The following USP48 variants were observed in gnomAD, a reference collection of about 807,000 sequenced individuals.
USP48 encodes ubiquitin carboxyl-terminal hydrolase 48.
USP48 carries 43 observed loss-of-function variants against 150.7 expected under a neutral mutation model. The ratio of observed to expected loss-of-function variants is 0.29; its 90% CI spans 0.22 to 0.37. The LOEUF (loss-of-function observed/expected upper bound fraction) is 0.37, where lower values mean the gene tolerates loss of function less well. Ranked by LOEUF, USP48 falls within the 10% of genes least tolerant of loss-of-function variation. The probability of loss-of-function intolerance (pLI) is 1.00; values close to 1 mark genes in which losing one functional copy is unlikely to be tolerated. For synonymous variants in USP48, 396 were observed against 425.9 expected (o/e 0.93, Z 0.86); for missense variants, 813 against 1,249.6 (o/e 0.65, Z 5.27).
At position 21,695,186 on chromosome 1, in the gene USP48, A is replaced by G; in HGVS notation, c.2763T>C (p.His921=). The G allele has an allele frequency of 6.2e-7, 1 of 1,612,656 alleles. No homozygotes were observed. The highest frequency in any genetic ancestry group is 1.1e-5 in the South Asian group (1 of 90,734). ...NGGTKRQKIS[H]QNYIAYQKQV... ...GCTTTTGATAGGCTATATAATTTTG[A>G]TGGGATATCTTTTGCCGCTTTGTTC... The change falls in exon 23 of 27, where the codon CAT becomes CAC. Residue 921 remains histidine (H), a synonymous_variant. Transcript: ENST00000308271.
chr1:21,692,540 T>C (rs2097605426), intron 23 of USP48, among the ~76,000 whole-genome samples: 1 of 152,180 alleles, frequency 6.6e-6, no homozygotes, highest in Non-Finnish European at 1.5e-5. Flanking sequence ...GTGCCACAAC[T>C]AAGGGGCTGA....
At position 21,695,084 on chromosome 1, in the gene USP48, T is replaced by C. The variant is rs2097622781; in HGVS notation, c.2865A>G (p.Leu955=). The C allele has an allele frequency of 6.2e-7, 1 of 1,611,518 alleles. No homozygotes were observed. Among genetic ancestry groups the C allele is most frequent in the Non-Finnish European group, 8.5e-7 (1 of 1,179,326 alleles). The change falls in exon 23 of 27, where the codon TTA becomes TTG. Residue 955 remains leucine (L), a synonymous_variant. Transcript: ENST00000308271. ...KALLVSANQT[L]KELKIQIMHA... ...CCCTCACCTGAATTTTCAATTCTTT[T>C]AACGTCTGATTAGCAGAAACGAGAA...
chr1:21,743,391 T>A (rs2097786560), intron 8 of USP48, among the ~76,000 whole-genome samples: 1 of 152,148 alleles, frequency 6.6e-6, no homozygotes, highest in Non-Finnish European at 1.5e-5. Flanking sequence ...AGGAACAAAG[T>A]ATGATAAGGT....
At chr1:21,687,383 A>G (rs940292980) in intron 24 of USP48, 144 bp from the exon 25 acceptor site, 5 of 760,366 alleles carry the variant, frequency 6.6e-6, no homozygotes, top group African/African-American at 5.2e-5. Flanking sequence ...CACAGCCAGC[A>G]GCGTCCAGGT....
chr1:21,722,595 A>G (rs559864935), intron 12 of USP48, among the ~76,000 whole-genome samples: 1 of 151,898 alleles, frequency 6.6e-6, no homozygotes, highest in Admixed American at 6.6e-5. Flanking sequence ...TTGTAATCCC[A>G]GCACTTTGGG....
chr1:21,782,687 A>G, intron 1 of USP48, 137 bp downstream of exon 1: 2 of 1,320,726 alleles, frequency 1.5e-6, no homozygotes, highest in Non-Finnish European at 2.0e-6. Context: ...GACGGCGCAA[A>G]GGGGGAAACT....
intron 1 of USP48, among the ~76,000 whole-genome samples, chr1:21,778,464 G>A (rs1441856203): frequency 6.6e-6 from 1 of 151,822 alleles, no homozygotes; most frequent in Non-Finnish European, 1.5e-5. Context: ...AAAGTAACCT[G>A]ACAATTCCTC....
intron 1 of USP48, among the ~76,000 whole-genome samples, chr1:21,758,576 C>T (rs1557586611): frequency 6.6e-6 from 1 of 151,890 alleles, no homozygotes; most frequent in African/African-American, 2.4e-5. Flanking sequence ...AGCCTGAAAC[C>T]CTGTCTCTAC....
At chr1:21,713,104 CTTTT>C (rs796760566) in intron 15 of USP48, among the ~76,000 whole-genome samples, 55 of 141,628 alleles carry the variant, frequency 3.9e-4, no homozygotes, top group African/African-American at 1.3e-3. Flanking sequence ...CTCTCTCTTT[CTTTT>C]TTGTTTTGTT....
intron 9 of USP48, among the ~76,000 whole-genome samples, chr1:21,732,030 G>A (rs1016295425): frequency 5.9e-5 from 9 of 152,136 alleles, no homozygotes; most frequent in Admixed American, 3.9e-4. Context: ...GTAACTTTCC[G>A]AGAGGTAAGG....
chr1:21,756,451 G>C (rs2097835238), intron 3 of USP48, 95 bp downstream of exon 3: 2 of 1,400,558 alleles, frequency 1.4e-6, no homozygotes, highest in Non-Finnish European at 9.6e-7. Context: ...ACTTCACTCT[G>C]GCTTGGGAAA....
intron 19 of USP48, 115 bp from the exon 20 acceptor site, chr1:21,704,507 T>G (rs2097666418): frequency 8.5e-7 from 1 of 1,177,222 alleles, no homozygotes; most frequent in Admixed American, 3.1e-5. Context: ...TCCAAAGGAA[T>G]TAGAGAGAAA....
chr1:21,771,102 G>A (rs1254190537), intron 1 of USP48, among the ~76,000 whole-genome samples: 1 of 152,066 alleles, frequency 6.6e-6, no homozygotes, highest in African/African-American at 2.4e-5. Context: ...CTCCAGCCTA[G>A]GTGACAGAGC....
chr1:21,767,209 C>T (rs997732592), intron 1 of USP48, among the ~76,000 whole-genome samples: 1 of 152,194 alleles, frequency 6.6e-6, no homozygotes, highest in Admixed American at 6.5e-5. Flanking sequence ...GCCACCACAC[C>T]CGGCTTTTTT....
rs1291846593 is a variant in USP48, at chr1:21,678,812, G to A, written c.*605C>T. On this transcript the variant is annotated 3_prime_UTR_variant, in exon 27 of 27. Coordinates refer to ENST00000308271, the MANE Select transcript of USP48 (RefSeq NM_032236.8). ...TGCCCCCTCCTTTACCCAATACCAA[G>A]AGACAGACGGCCGGGCAGGTGTAAG... is the stretch of plus-strand genomic sequence containing the variant. 2 of 156,096 alleles carry A rather than the reference G, an allele frequency of 1.3e-5. No homozygotes were observed. Among genetic ancestry groups the A allele is most frequent in the East Asian group, 3.8e-4 (2 of 5,238 alleles). 9.7% of individuals were successfully genotyped at this position (156,096 alleles called of 1,614,324 possible).
At chr1:21,725,784 A>G (rs1372936624) in intron 11 of USP48, among the ~76,000 whole-genome samples, 1 of 151,618 alleles carries the variant, frequency 6.6e-6, no homozygotes, top group African/African-American at 2.4e-5. Context: ...TTTAAGATGC[A>G]GTATATGTAA....
intron 25 of USP48, among the ~76,000 whole-genome samples, chr1:21,684,809 C>T (rs950804787): frequency 6.6e-6 from 1 of 152,104 alleles, no homozygotes; most frequent in African/African-American, 2.4e-5. Context: ...GTGCCCTTTC[C>T]CCAGTGTATG....
intron 15 of USP48, among the ~76,000 whole-genome samples, chr1:21,708,605 C>G (rs566100837): frequency 2.0e-5 from 3 of 150,898 alleles, no homozygotes; most frequent in Admixed American, 1.3e-4. Flanking sequence ...GAAAACAGGC[C>G]GGGGGCAGTG....
chr1:21,706,969 TTTTCTTGCTTTGCTAAAGTTTGGTA>T, intron 15 of USP48, 101 bp from the exon 16 acceptor site: 1 of 1,305,748 alleles, frequency 7.7e-7, no homozygotes, highest in South Asian at 1.5e-5. Context: ...ACAGGTACGC[TTTTCTTGCTTTGCTAAAGTTTGGTA>T]TTTCTAGCTC....
Sources: gnomAD v4.1 joint callset for allele counts (sites outside exome capture counted in the v4.1 genomes callset) on GRCh38, gnomAD v4.1.1 for gene constraint, MANE v1.5 for transcripts, NCBI Gene and HGNC (gene_info 2026-07-23, HGNC 2026-07-21) for gene names.